The following TNFAIP8 variants were observed in gnomAD, a reference collection of about 807,000 sequenced individuals.
The protein encoded by TNFAIP8 is tumor necrosis factor alpha-induced protein 8.
TNFAIP8 carries 7 observed loss-of-function variants against 13.3 expected under a neutral mutation model. The observed-to-expected ratio is 0.52, with a 90% confidence interval of 0.30 to 0.99. The LOEUF (loss-of-function observed/expected upper bound fraction) is 0.99. Among genes scored for constraint, TNFAIP8 ranks in the 50% least tolerant of loss-of-function variants. The probability of loss-of-function intolerance (pLI) is 0.07; values close to 1 mark genes in which losing one functional copy is unlikely to be tolerated. For missense variants in TNFAIP8, 258 were observed against 236.9 expected (o/e 1.09, Z -0.58); for synonymous variants, 94 against 87.6 (o/e 1.07, Z -0.41).
At chr5:119,359,604 T>C (rs1751559209) in intron 1 of TNFAIP8, among the ~76,000 whole-genome samples, 1 of 152,222 alleles carries the variant, frequency 6.6e-6, no homozygotes, top group African/African-American at 2.4e-5. Flanking sequence ...AATATCCTCT[T>C]CTGTAATAAG....
chr5:119,377,370 T>A (rs1187887183), intron 1 of TNFAIP8, among the ~76,000 whole-genome samples: 1 of 151,624 alleles, frequency 6.6e-6, no homozygotes, highest in African/African-American at 2.4e-5. Flanking sequence ...GGCAACAGAG[T>A]GAGACCCTGT....
At chr5:119,305,824 A>C (rs1017658072) in intron 1 of TNFAIP8, among the ~76,000 whole-genome samples, 15 of 152,206 alleles carry the variant, frequency 9.9e-5, no homozygotes, top group African/African-American at 3.6e-4. Context: ...CTGCATGTTA[A>C]TAAGGGTCCC....
intron 1 of TNFAIP8, among the ~76,000 whole-genome samples, chr5:119,363,423 T>A (rs1171330477): frequency 1.3e-5 from 2 of 152,160 alleles, no homozygotes; most frequent in African/African-American, 4.8e-5. Flanking sequence ...AAGCTGGCCG[T>A]CTCCATTTCT....
chr5:119,392,800 CTTT>C lies in TNFAIP8; in HGVS notation c.32-5_32-3del, dbSNP rs80269598. ...TACTAATTGTTAATTCTTTTCCTCT[CTTT>C]TTTTTTTTTTAGTGGCCACAGATGT... On this transcript the variant is annotated splice_polypyrimidine_tract_variant and intron_variant, in intron 1 of 1. Coordinates refer to ENST00000504771, the MANE Select transcript of TNFAIP8 (RefSeq NM_014350.4). 135 of 1,398,874 alleles carry C rather than the reference CTTT, an allele frequency of 9.7e-5. No individual in the cohort carries two copies. Among genetic ancestry groups the C allele is most frequent in the South Asian group, 3.8e-4 (27 of 70,438 alleles). The allele number at this position is 1,398,874 out of a possible 1,614,324, so 86.7% of individuals were successfully genotyped here.
intron 1 of TNFAIP8, among the ~76,000 whole-genome samples, chr5:119,345,576 G>A (rs1312592131): frequency 6.6e-6 from 1 of 152,228 alleles, no homozygotes; most frequent in East Asian, 1.9e-4. Context: ...GATGAATCTT[G>A]AGGATGTTAA....
chr5:119,317,975 A>T (rs888889260), intron 1 of TNFAIP8, among the ~76,000 whole-genome samples: 1 of 152,126 alleles, frequency 6.6e-6, no homozygotes, highest in African/African-American at 2.4e-5. Context: ...CACATAAAAG[A>T]TCTTCGTCAT....
chr5:119,301,178 C>T (rs1488409015), intron 1 of TNFAIP8, among the ~76,000 whole-genome samples: 1 of 152,230 alleles, frequency 6.6e-6, no homozygotes, highest in Admixed American at 6.5e-5. Context: ...TACGTTCCTA[C>T]AGATTAAAAT....
At chr5:119,318,815 A>G (rs965922189) in intron 1 of TNFAIP8, among the ~76,000 whole-genome samples, 1 of 151,956 alleles carries the variant, frequency 6.6e-6, no homozygotes, top group East Asian at 1.9e-4. Context: ...TGCATTTTGC[A>G]TTAATTACTA....
chr5:119,300,099 A>G (rs377432254), intron 1 of TNFAIP8, among the ~76,000 whole-genome samples: 1 of 152,348 alleles, frequency 6.6e-6, no homozygotes, highest in African/African-American at 2.4e-5. Flanking sequence ...CGGCTCGCGC[A>G]CGGTGCGCTG....
intron 1 of TNFAIP8, among the ~76,000 whole-genome samples, chr5:119,292,881 C>A (rs995504431): frequency 6.6e-6 from 1 of 151,404 alleles, no homozygotes; most frequent in African/African-American, 2.4e-5. Context: ...TAGTGGCTGC[C>A]TGAGGCTGAA....
At chr5:119,275,865 G>T (rs553786520) in intron 1 of TNFAIP8, among the ~76,000 whole-genome samples, 3 of 152,162 alleles carry the variant, frequency 2.0e-5, no homozygotes, top group African/African-American at 7.2e-5. Context: ...GAGAATAACA[G>T]GTTATGAAAC....
intron 1 of TNFAIP8, among the ~76,000 whole-genome samples, chr5:119,304,050 C>T (rs17145124): frequency 0.13 from 19,413 of 152,128 alleles, 3,254 homozygotes; most frequent in African/African-American, 0.39. Flanking sequence ...CGATACAGAT[C>T]GGATCCTGTC....
rs1246313944 is a variant in TNFAIP8 at position 119,396,695 on chromosome 5, TTAAGAG to T, written c.*3318_*3323del. 6.6e-6 allele frequency: 1 copy of T among 152,092 alleles called. No homozygotes were observed. The highest frequency in any genetic ancestry group is 1.5e-5 in the Non-Finnish European group (1 of 68,002). The allele number at this position is 152,092 out of a possible 1,614,324, so 9.4% of individuals were successfully genotyped here. ...CTTTCATATACAACTCAAAATTAGTTTAAGAGTAAAGCATGGGGTGGGTGCGGTGGC... is the reference window on the plus strand; with the variant it reads ...CTTTCATATACAACTCAAAATTAGTTTAAAGCATGGGGTGGGTGCGGTGGC... On this transcript the variant is annotated 3_prime_UTR_variant, in exon 2 of 2. Coordinates refer to ENST00000504771, the MANE Select transcript of TNFAIP8 (RefSeq NM_014350.4).
At chr5:119,377,968 A>T (rs1302135130) in intron 1 of TNFAIP8, among the ~76,000 whole-genome samples, 1 of 152,224 alleles carries the variant, frequency 6.6e-6, no homozygotes, top group African/African-American at 2.4e-5. Flanking sequence ...TAAGCTGGAA[A>T]GGGTAGTCTT....
At chr5:119,279,402 G>A (rs1218634956) in intron 1 of TNFAIP8, among the ~76,000 whole-genome samples, 3 of 152,150 alleles carry the variant, frequency 2.0e-5, no homozygotes, top group African/African-American at 7.2e-5. Context: ...ACATTTTGTT[G>A]TTTTTAATAG....
rs1178479385 is a variant in TNFAIP8 at position 119,394,586 on chromosome 5, C to G, written c.*1205C>G. ...GACAGACCCAACCACCAGCAATAAA[C>G]ATTTCCATTGTCACTGTGTCTATGA... is the stretch of plus-strand genomic sequence containing the variant. On this transcript the variant is annotated 3_prime_UTR_variant, in exon 2 of 2. Transcript: ENST00000504771. The G allele has an allele frequency of 7.1e-6, 1 of 141,132 alleles. No homozygotes were observed. The highest frequency in any genetic ancestry group is 6.9e-5 in the Admixed American group (1 of 14,434). 8.7% of individuals were successfully genotyped at this position (141,132 alleles called of 1,614,324 possible). A position where few individuals can be genotyped will look rare whatever the true frequency, so the allele number is the denominator to read the frequency against.
intron 1 of TNFAIP8, among the ~76,000 whole-genome samples, chr5:119,322,962 T>C (rs1750109356): frequency 6.6e-6 from 1 of 152,206 alleles, no homozygotes; most frequent in South Asian, 2.1e-4. Context: ...ACTTTTCCCC[T>C]TAGTCAATGA....
At chr5:119,366,083 C>G (rs1201300275) in intron 1 of TNFAIP8, among the ~76,000 whole-genome samples, 2 of 150,736 alleles carry the variant, frequency 1.3e-5, no homozygotes, top group African/African-American at 2.4e-5. Context: ...TGATGAGAGC[C>G]TCCGAGGGAA....
intron 1 of TNFAIP8, among the ~76,000 whole-genome samples, chr5:119,366,203 G>A (rs1341653684): frequency 6.6e-6 from 1 of 151,986 alleles, no homozygotes; most frequent in Non-Finnish European, 1.5e-5. Context: ...CAGTATAATA[G>A]GCAAGAGACC....
Sources: gnomAD v4.1 joint callset for allele counts (sites outside exome capture counted in the v4.1 genomes callset) on GRCh38, gnomAD v4.1.1 for gene constraint, MANE v1.5 for transcripts, NCBI Gene and HGNC (gene_info 2026-07-23, HGNC 2026-07-21) for gene names.